GMEB1: variants seen among roughly 807,000 people sequenced by gnomAD.
GMEB1 encodes the protein glucocorticoid modulatory element-binding protein 1.
Under a neutral mutation model 52.4 loss-of-function variants are expected in GMEB1, and 6 were observed. The observed-to-expected ratio is 0.11, with a 90% CI of 0.06 to 0.23. The LOEUF (loss-of-function observed/expected upper bound fraction) is 0.23, where lower values mean the gene tolerates loss of function less well. Ranked by LOEUF, GMEB1 falls within the 10% of genes least tolerant of loss-of-function variation. GMEB1 has a pLI of 1.00. For missense variants in GMEB1, 486 were observed against 685.6 expected, an observed-to-expected ratio of 0.71 and a Z score of 3.25; for synonymous variants, 255 against 244.9, an observed-to-expected ratio of 1.04 and a Z score of -0.38.
chr1:28,709,354 T>A (rs946590984), intron 8 of GMEB1, among the ~76,000 whole-genome samples: 1 of 152,016 alleles, frequency 6.6e-6, no homozygotes, highest in African/African-American at 2.4e-5. Context: ...CCAGTCCCCA[T>A]GTTTGACACT....
In GMEB1 at chr1:28,691,636, C is replaced by T; in HGVS notation, c.263C>T (p.Thr88Ile). 1 of 1,575,080 alleles carries T rather than the reference C, an allele frequency of 6.3e-7. No individual in the cohort carries two copies. Among genetic ancestry groups the T allele is most frequent in the Non-Finnish European group, 8.7e-7 (1 of 1,151,968 alleles). ...NEDMEIAYPITCGESKAILLW... is the reference protein window; with the variant it reads ...NEDMEIAYPIICGESKAILLW... ...GATATGGAAATTGCTTACCCCATAA[C>T]TTGTGGGGAGAGCAAAGCCATCCTC... The change falls in exon 4 of 10, where the codon ACT becomes ATT. Residue 88 changes from threonine (T) to isoleucine (I), a missense_variant. Physicochemically the swap from Thr to Ile is moderately conservative, Grantham distance 89. Transcript: ENST00000373816.
intron 6 of GMEB1, among the ~76,000 whole-genome samples, chr1:28,697,702 A>G (rs1172408216): frequency 1.3e-5 from 2 of 152,206 alleles, no homozygotes; most frequent in South Asian, 2.1e-4. Flanking sequence ...AGTAGTTACA[A>G]TACTTACATA....
intron 6 of GMEB1, among the ~76,000 whole-genome samples, chr1:28,698,141 A>G (rs1454740652): frequency 1.3e-5 from 2 of 151,762 alleles, no homozygotes; most frequent in Non-Finnish European, 2.9e-5. Flanking sequence ...CTCCGTCTCA[A>G]AAAAGAAAAA....
At chr1:28,675,512 A>C (rs183671928) in intron 1 of GMEB1, among the ~76,000 whole-genome samples, 97 of 151,838 alleles carry the variant, frequency 6.4e-4, no homozygotes, top group African/African-American at 2.2e-3. Flanking sequence ...AAACCCCGTC[A>C]CTACTAAAAA....
In GMEB1 at chr1:28,716,090, T is replaced by G. The variant is rs1306734896; in HGVS notation, c.*1317T>G. 1.3e-5 allele frequency: 2 copies of G among 152,114 alleles called. No homozygotes were observed. Among genetic ancestry groups the G allele is most frequent in the Non-Finnish European group, 2.9e-5 (2 of 68,160 alleles). 9.4% of individuals were successfully genotyped at this position (152,114 alleles called of 1,614,324 possible). On this transcript the variant is annotated 3_prime_UTR_variant, in exon 10 of 10. Coordinates refer to ENST00000373816, the MANE Select transcript of GMEB1 (RefSeq NM_001319674.2). ...CTCTAGCCTGGGCGAGGAGTGAAAC[T>G]CCGTCTCAAAAAAAAAGAAAGAAAT...
Position 28,714,801 on chromosome 1 carries a change from T to A in GMEB1, c.*28T>A. ...GGGGATCTCAGGGCCAGGAGTTATG[T>A]TTTGATTTGGAATTTTAATTATTTG... On this transcript the variant is annotated 3_prime_UTR_variant, in exon 10 of 10. Transcript: ENST00000373816. The A allele has an allele frequency of 6.9e-7, 1 of 1,441,082 alleles. No individual in the cohort carries two copies. Among genetic ancestry groups the A allele is most frequent in the Non-Finnish European group, 9.6e-7 (1 of 1,038,350 alleles). 89.3% of individuals were successfully genotyped at this position (1,441,082 alleles called of 1,614,324 possible). A position where few individuals can be genotyped will look rare whatever the true frequency, so the allele number is the denominator to read the frequency against.
rs1020078954 is a variant in GMEB1 at position 28,716,585 on chromosome 1, A to G, written c.*1812A>G. On this transcript the variant is annotated 3_prime_UTR_variant, in exon 10 of 10. Coordinates refer to ENST00000373816, the MANE Select transcript of GMEB1 (RefSeq NM_001319674.2). ...GTTTCTGTGAGATACTGAGATCATA[A>G]AAAGCTTTAGGCTTGGCAGAGAGGA... 6.6e-6 allele frequency: 1 copy of G among 152,124 alleles called. No individual in the cohort carries two copies. Among genetic ancestry groups the G allele is most frequent in the Non-Finnish European group, 1.5e-5 (1 of 68,024 alleles). The allele number at this position is 152,124 out of a possible 1,614,324, so 9.4% of individuals were successfully genotyped here. A position where few individuals can be genotyped will look rare whatever the true frequency, so the allele number is the denominator to read the frequency against.
intron 2 of GMEB1, among the ~76,000 whole-genome samples, chr1:28,687,344 A>T (rs1281085021): frequency 7.7e-5 from 3 of 39,110 alleles, no homozygotes; most frequent in African/African-American, 3.0e-4. Context: ...TCACACACAC[A>T]CACACACACA....
chr1:28,715,086 CTG>C lies in GMEB1; in HGVS notation c.*321_*322del, dbSNP rs895229973. On this transcript the variant is annotated 3_prime_UTR_variant, in exon 10 of 10. Transcript: ENST00000373816. ...TCCAGAAAGCCATTTCCAGGCTCGTCTGTGTGTGTAGGCATGTGGTTTTATTC... is the reference window on the plus strand; with the variant it reads ...TCCAGAAAGCCATTTCCAGGCTCGTCTGTGTGTAGGCATGTGGTTTTATTC... 5 of 301,550 alleles carry C rather than the reference CTG, an allele frequency of 1.7e-5. No homozygotes were observed. The highest frequency in any genetic ancestry group is 3.1e-5 in the Non-Finnish European group (5 of 159,770). 18.7% of individuals were successfully genotyped at this position (301,550 alleles called of 1,614,324 possible).
chr1:28,670,173 A>ATTTATTTATTTG (rs1049993116), intron 1 of GMEB1, among the ~76,000 whole-genome samples: 121 of 151,866 alleles, frequency 8.0e-4, no homozygotes, highest in Admixed American at 1.7e-3. Context: ...TTATTTATTT[A>ATTTATTTATTTG]TTTGTTTTTT....
intron 1 of GMEB1, among the ~76,000 whole-genome samples, chr1:28,669,150 TCCA>T (rs1472336681): frequency 6.7e-6 from 1 of 149,894 alleles, no homozygotes; most frequent in African/African-American, 2.4e-5. Context: ...AACCGGCGAG[TCCA>T]CCACTGGGGG....
At chr1:28,691,426 G>C (rs1246328737) in intron 3 of GMEB1, among the ~76,000 whole-genome samples, 159 bp from the exon 4 acceptor site, 1 of 152,208 alleles carries the variant, frequency 6.6e-6, no homozygotes, top group Non-Finnish European at 1.5e-5. Context: ...AGCTTGGGAA[G>C]AGATAGCTCT....
chr1:28,719,348 T>C lies in GMEB1; in HGVS notation c.*4575T>C, dbSNP rs1187447403. On this transcript the variant is annotated 3_prime_UTR_variant, in exon 10 of 10. Transcript: ENST00000373816. ...GGACAATAAACATGAATATTCAAGATTCAAAGCCACTTCATATGAAGGTTC... is the reference window on the plus strand; with the variant it reads ...GGACAATAAACATGAATATTCAAGACTCAAAGCCACTTCATATGAAGGTTC... 1 of 152,212 alleles carries C rather than the reference T, an allele frequency of 6.6e-6. No homozygotes were observed. The highest frequency in any genetic ancestry group is 2.4e-5 in the African/African-American group (1 of 41,450). The allele number at this position is 152,212 out of a possible 1,614,324, so 9.4% of individuals were successfully genotyped here. A position where few individuals can be genotyped will look rare whatever the true frequency, so the allele number is the denominator to read the frequency against.
chr1:28,672,749 T>TG (rs1668954020), intron 1 of GMEB1, among the ~76,000 whole-genome samples: 2 of 148,096 alleles, frequency 1.4e-5, no homozygotes, highest in South Asian at 2.2e-4. Flanking sequence ...TTTTTTTTTT[T>TG]TTTTTTGTTT....
intron 6 of GMEB1, among the ~76,000 whole-genome samples, chr1:28,700,693 A>C (rs570143583): frequency 6.8e-4 from 103 of 152,078 alleles, no homozygotes; most frequent in African/African-American, 2.4e-3. Flanking sequence ...TCAAAAAAAA[A>C]AAAAAAAGAT....
At chr1:28,680,973 G>A (rs1669364032) in intron 1 of GMEB1, among the ~76,000 whole-genome samples, 1 of 152,106 alleles carries the variant, frequency 6.6e-6, no homozygotes, top group African/African-American at 2.4e-5. Context: ...GAACCCAGAA[G>A]GCGGAGGTTA....
At chr1:28,678,099 G>C (rs890561440) in intron 1 of GMEB1, among the ~76,000 whole-genome samples, 1 of 151,488 alleles carries the variant, frequency 6.6e-6, no homozygotes, top group Admixed American at 6.6e-5. Flanking sequence ...CAGGAGAATT[G>C]CTTGAACCCG....
intron 8 of GMEB1, among the ~76,000 whole-genome samples, chr1:28,707,990 C>G (rs1420713781): frequency 6.6e-6 from 1 of 152,078 alleles, no homozygotes; most frequent in African/African-American, 2.4e-5. Flanking sequence ...CCTCAACCAC[C>G]TGGGCTCAAT....
rs1671256443 is a variant in GMEB1 at position 28,715,735 on chromosome 1, G to C, written c.*962G>C. The C allele has an allele frequency of 6.6e-6, 1 of 152,088 alleles. No individual in the cohort carries two copies. Among genetic ancestry groups the C allele is most frequent in the Admixed American group, 6.6e-5 (1 of 15,244 alleles). 9.4% of individuals were successfully genotyped at this position (152,088 alleles called of 1,614,324 possible). On this transcript the variant is annotated 3_prime_UTR_variant, in exon 10 of 10. Coordinates refer to ENST00000373816, the MANE Select transcript of GMEB1 (RefSeq NM_001319674.2). The stretch of plus-strand genomic sequence containing the variant: ...TGAGTGCCATTTTGAGAAGAAGGTG[G>C]TAATAAGTGGAAGGTACATCTCCAC...
Sources: allele counts gnomAD v4.1 joint callset (sites outside exome capture counted in the v4.1 genomes callset), GRCh38; gene constraint gnomAD v4.1.1; transcripts MANE v1.5; gene names NCBI Gene and HGNC (gene_info 2026-07-23, HGNC 2026-07-21).